Variants in PPM1A observed in about 807,000 individuals in gnomAD.
The protein encoded by PPM1A is protein phosphatase, Mg2+/Mn2+ dependent 1A, also known as protein phosphatase 1A.
A neutral mutation model predicts 35.0 loss-of-function variants in PPM1A; 7 were observed. The ratio of observed to expected loss-of-function variants is 0.20; its 90% CI spans 0.11 to 0.38. The LOEUF (loss-of-function observed/expected upper bound fraction) is 0.38, where lower values mean the gene tolerates loss of function less well. Ranked by LOEUF, PPM1A falls within the 10% of genes least tolerant of loss-of-function variation. The pLI, the probability that PPM1A is intolerant of heterozygous loss-of-function variation, is 1.00. For missense variants in PPM1A, 239 were observed against 467.8 expected, an observed-to-expected ratio of 0.51 and a Z score of 4.51; for synonymous variants, 153 against 167.3, an observed-to-expected ratio of 0.91 and a Z score of 0.66.
Position 60,283,030 on chromosome 14 carries a change from T to C in PPM1A, c.327T>C (p.Asp109=). The change falls in exon 2 of 6, where the codon GAT becomes GAC. Residue 109 remains aspartate (D), a synonymous_variant. Transcript: ENST00000395076. The surrounding 1 kb of genome is among the most constrained non-coding windows in gnomAD (Gnocchi z 6.3). The part of the protein sequence containing the change: ...NGIRTGFLEI[D]EHMRVMSEKK... ...TCAGAACAGGTTTTCTGGAGATTGA[T>C]GAACACATGAGAGTTATGTCAGAGA... 3 of 1,614,260 alleles carry C rather than the reference T, an allele frequency of 1.9e-6. No homozygotes were observed. Among genetic ancestry groups the C allele is most frequent in the Non-Finnish European group, 2.5e-6 (3 of 1,180,052 alleles).
At chr14:60,263,920 C>T (rs1181120849) in intron 1 of PPM1A, among the ~76,000 whole-genome samples, 5 of 150,462 alleles carry the variant, frequency 3.3e-5, no homozygotes, top group African/African-American at 1.2e-4. Flanking sequence ...AATATTTCTC[C>T]ATCCTCTGTA....
intron 1 of PPM1A, among the ~76,000 whole-genome samples, chr14:60,261,041 C>G (rs969932852): frequency 6.6e-6 from 1 of 152,002 alleles, no homozygotes. Flanking sequence ...CTCAACTTCC[C>G]GAAAATACCA....
chr14:60,268,683 T>A (rs1361546470), intron 1 of PPM1A, among the ~76,000 whole-genome samples: 1 of 151,876 alleles, frequency 6.6e-6, no homozygotes, highest in African/African-American at 2.4e-5. Context: ...TTTTCTATTT[T>A]CAACACACTA....
chr14:60,292,762 A>G lies in PPM1A; in HGVS notation c.*280A>G, dbSNP rs1887770270. The G allele has an allele frequency of 3.1e-6, 1 of 324,842 alleles. No individual in the cohort carries two copies. Among genetic ancestry groups the G allele is most frequent in the Non-Finnish European group, 5.6e-6 (1 of 178,420 alleles). 20.1% of individuals were successfully genotyped at this position (324,842 alleles called of 1,614,324 possible). A position where few individuals can be genotyped will look rare whatever the true frequency, so the allele number is the denominator to read the frequency against. On this transcript the variant is annotated 3_prime_UTR_variant, in exon 6 of 6. Transcript: ENST00000395076. The surrounding 1 kb of genome is among the most constrained non-coding windows in gnomAD (Gnocchi z 4.2). ...TTGTTGTATGATTTTGTTTTTTTGTAAAGTGTAATTGTCCTTGTACAAAAT... is the reference window on the plus strand; with the variant it reads ...TTGTTGTATGATTTTGTTTTTTTGTGAAGTGTAATTGTCCTTGTACAAAAT...
chr14:60,265,200 T>C (rs1884230378), intron 1 of PPM1A, among the ~76,000 whole-genome samples: 1 of 152,212 alleles, frequency 6.6e-6, no homozygotes, highest in Non-Finnish European at 1.5e-5. Context: ...AGACACAAAC[T>C]AAGATCTATA....
chr14:60,260,411 T>C (rs898733318), intron 1 of PPM1A, among the ~76,000 whole-genome samples: 1 of 152,130 alleles, frequency 6.6e-6, no homozygotes, highest in African/African-American at 2.4e-5. Context: ...TGAAAAAAAT[T>C]TACTATAGCA....
intron 1 of PPM1A, chr14:60,276,957 A>T (rs1885836010): frequency 1.1e-6 from 1 of 875,660 alleles, no homozygotes; most frequent in African/African-American, 1.8e-5. Flanking sequence ...TGTTCATGAA[A>T]TTTTCTGATT....
At chr14:60,284,251 G>A (rs1437787848) in intron 2 of PPM1A, among the ~76,000 whole-genome samples, 1 of 152,200 alleles carries the variant, frequency 6.6e-6, no homozygotes, top group African/African-American at 2.4e-5. Context: ...GAGTCAGACA[G>A]ACCTGAGACC....
intron 1 of PPM1A, among the ~76,000 whole-genome samples, chr14:60,254,528 AAAGGATGCAAAAGAGT>A (rs1388285869): frequency 6.6e-6 from 1 of 152,220 alleles, no homozygotes; most frequent in African/African-American, 2.4e-5. Flanking sequence ...TTGCTACAGG[AAAGGATGCAAAAGAGT>A]AAGGAAACTA....
chr14:60,283,968 T>C lies in PPM1A; in HGVS notation c.834+431T>C, dbSNP rs1242546541. 6.6e-6 allele frequency among the ~76,000 whole-genome samples: 1 copy of C among 152,184 alleles called. No homozygotes were observed. Among genetic ancestry groups the C allele is most frequent in the Non-Finnish European group, 1.5e-5 (1 of 68,022 alleles). On this transcript the variant is annotated intron_variant, in intron 2 of 5. Coordinates refer to ENST00000395076, the MANE Select transcript of PPM1A (RefSeq NM_021003.5). The surrounding 1 kb of genome is among the most constrained non-coding windows in gnomAD (Gnocchi z 6.3). The stretch of plus-strand genomic sequence containing the variant: ...CTAAGGTTTAATGGTCTGTAGCACT[T>C]GAAAGAGGAATGTAGTGATCATTAG...
intron 1 of PPM1A, among the ~76,000 whole-genome samples, chr14:60,267,541 A>G (rs1337898992): frequency 3.3e-5 from 5 of 152,002 alleles, no homozygotes; most frequent in Admixed American, 1.3e-4. Context: ...GTCTTTGTCA[A>G]ATTTTATAGA....
rs918544411 is a variant in PPM1A at position 60,255,166 on chromosome 14, T to G, written c.-21+5489T>G. ...GTATTATTTCTATCATATGTTTTTTTTTTTTTTGTTTTGTTTTGTTTTTGA... is the reference window on the plus strand; with the variant it reads ...GTATTATTTCTATCATATGTTTTTTGTTTTTTTGTTTTGTTTTGTTTTTGA... On this transcript the variant is annotated intron_variant, in intron 1 of 5. Coordinates refer to ENST00000395076, the MANE Select transcript of PPM1A (RefSeq NM_021003.5). 3.8e-5 allele frequency among the ~76,000 whole-genome samples: 4 copies of G among 106,552 alleles called. 1 individual carries two copies. Among genetic ancestry groups the G allele is most frequent in the African/African-American group, 3.4e-4 (4 of 11,670 alleles). 69.9% of individuals were successfully genotyped at this position (106,552 alleles called of 152,430 possible).
At chr14:60,284,707 G>GTGTATA (rs1555344240) in intron 2 of PPM1A, among the ~76,000 whole-genome samples, 15 of 143,344 alleles carry the variant, frequency 1.0e-4, no homozygotes, top group East Asian at 2.0e-4. Context: ...ATGTGTGTGT[G>GTGTATA]TATATATATA....
intron 1 of PPM1A, among the ~76,000 whole-genome samples, chr14:60,271,640 G>A (rs1462106239): frequency 1.3e-5 from 2 of 152,178 alleles, no homozygotes; most frequent in African/African-American, 2.4e-5. Flanking sequence ...GAGGAAATAC[G>A]TGAAGGTCAA....
intron 3 of PPM1A, chr14:60,287,562 CTCTCTCT>C: frequency 1.0e-6 from 1 of 985,216 alleles, no homozygotes; most frequent in Non-Finnish European, 1.2e-6. Flanking sequence ...TTTCTTTTCT[CTCTCTCT>C]TCTTTCTTTA....
chr14:60,266,815 G>A (rs942242671), intron 1 of PPM1A, among the ~76,000 whole-genome samples: 2 of 151,976 alleles, frequency 1.3e-5, no homozygotes, highest in Non-Finnish European at 2.9e-5. Context: ...ATTTAATCAA[G>A]GTCTGGGAAC....
In PPM1A at chr14:60,293,423, C is replaced by T. The variant is rs1164102409; in HGVS notation, c.*941C>T. On this transcript the variant is annotated 3_prime_UTR_variant, in exon 6 of 6. Transcript: ENST00000395076. The surrounding 1 kb of genome is among the most constrained non-coding windows in gnomAD (Gnocchi z 4.0). ...AAAACACTGTGCCGTTGTAATGAGA[C>T]GTTTCTCATAGGGAAAGATGTTAGT... 1 of 151,998 alleles carries T rather than the reference C, an allele frequency of 6.6e-6. No individual in the cohort carries two copies. The highest frequency in any genetic ancestry group is 1.5e-5 in the Non-Finnish European group (1 of 67,950). 9.4% of individuals were successfully genotyped at this position (151,998 alleles called of 1,614,324 possible). A position where few individuals can be genotyped will look rare whatever the true frequency, so the allele number is the denominator to read the frequency against.
intron 1 of PPM1A, among the ~76,000 whole-genome samples, chr14:60,268,968 A>G (rs866457605): frequency 4.5e-4 from 66 of 147,976 alleles, no homozygotes; most frequent in Admixed American, 1.1e-3. Context: ...TCTGTGGGGT[A>G]GGATGGGGGA....
At position 60,296,802 on chromosome 14, in the gene PPM1A, A is replaced by C. The variant is rs1375023580; in HGVS notation, c.*4320A>C. On this transcript the variant is annotated 3_prime_UTR_variant, in exon 6 of 6. Coordinates refer to ENST00000395076, the MANE Select transcript of PPM1A (RefSeq NM_021003.5). The surrounding 1 kb of genome is among the most constrained non-coding windows in gnomAD (Gnocchi z 4.4). ...GTTATTACTGATAGTCAAAATGCTC[A>C]ATAGAAATGATGAGAGGCATTGGTT... The C allele has an allele frequency of 1.5e-5, 5 of 327,642 alleles. No homozygotes were observed. The highest frequency in any genetic ancestry group is 1.0e-4 in the Admixed American group (2 of 19,890). 20.3% of individuals were successfully genotyped at this position (327,642 alleles called of 1,614,324 possible).
Sources: gnomAD v4.1 joint callset for allele counts (sites outside exome capture counted in the v4.1 genomes callset) on GRCh38, gnomAD v4.1.1 for gene constraint, Gnocchi (gnomAD v3.1) non-coding constraint, MANE v1.5 for transcripts, NCBI Gene and HGNC (gene_info 2026-07-23, HGNC 2026-07-21) for gene names.